The following PALS1 variants were observed in gnomAD, a reference collection of about 807,000 sequenced individuals.
PALS1 encodes protein associated with LIN7 1, MAGUK p55 family member.
A neutral mutation model predicts 78.9 loss-of-function variants in PALS1; 31 were observed. The observed-to-expected ratio is 0.39, with a 90% CI of 0.30 to 0.53. PALS1 has a LOEUF of 0.53. PALS1 is among the 20% of genes least tolerant of loss of function. PALS1 has a pLI of 0.67. For synonymous variants in PALS1, 276 were observed against 270.9 expected, an observed-to-expected ratio of 1.02 and a Z score of -0.18; for missense variants, 704 against 826.5, an observed-to-expected ratio of 0.85 and a Z score of 1.82.
At chr14:67,327,239 T>G (rs1481770899) in intron 14 of PALS1, among the ~76,000 whole-genome samples, 1 of 152,156 alleles carries the variant, frequency 6.6e-6, no homozygotes, top group African/African-American at 2.4e-5. Context: ...TAAAGTCTTT[T>G]TGTAGACCTA....
chr14:67,303,626 T>G, intron 8 of PALS1, 27 bp downstream of exon 8: 3 of 1,553,372 alleles, frequency 1.9e-6, no homozygotes, highest in Non-Finnish European at 2.7e-6. Flanking sequence ...TGTTCATTAT[T>G]TATGTGTTTG....
intron 8 of PALS1, among the ~76,000 whole-genome samples, chr14:67,306,875 A>G (rs1021001898): frequency 6.6e-6 from 1 of 152,198 alleles, no homozygotes; most frequent in African/African-American, 2.4e-5. Context: ...ATTAGAACCA[A>G]TTTATTGAGT....
chr14:67,243,839 G>A (rs937948020), intron 1 of PALS1, among the ~76,000 whole-genome samples: 1 of 152,102 alleles, frequency 6.6e-6, no homozygotes, highest in African/African-American at 2.4e-5. Context: ...TAGGATCGTT[G>A]AGTTGGAAGT....
At chr14:67,323,221 A>G (rs775189661) in intron 13 of PALS1, among the ~76,000 whole-genome samples, 2 of 111,456 alleles carry the variant, frequency 1.8e-5, no homozygotes, top group Non-Finnish European at 3.4e-5. Flanking sequence ...ACATATATAC[A>G]CATATATACA....
chr14:67,326,307 C>T (rs1458768009), intron 14 of PALS1, among the ~76,000 whole-genome samples: 1 of 114,378 alleles, frequency 8.7e-6, no homozygotes, highest in Non-Finnish European at 1.6e-5. Flanking sequence ...GTGGCATGAT[C>T]ATAGCCTTGA....
chr14:67,278,038 CTT>C (rs1227955769), intron 2 of PALS1, among the ~76,000 whole-genome samples: 22 of 138,678 alleles, frequency 1.6e-4, no homozygotes, highest in Admixed American at 1.5e-4. Flanking sequence ...AACCCCAATT[CTT>C]TTTTTTTTTT....
chr14:67,323,445 T>C (rs2085298325), intron 13 of PALS1, among the ~76,000 whole-genome samples: 1 of 151,362 alleles, frequency 6.6e-6, no homozygotes, highest in South Asian at 2.1e-4. Context: ...CGAGATCCTG[T>C]CTCTACAAAA....
chr14:67,280,849 TTCCTTCCCTCCCTCCCTCCCTCCCTCCC>T (rs1377405868), intron 3 of PALS1, among the ~76,000 whole-genome samples: 2 of 101,524 alleles, frequency 2.0e-5, no homozygotes, highest in Non-Finnish European at 3.5e-5. Flanking sequence ...CCTTCCTTCC[TTCCTTCCCTCCCTCCCTCCCTCCCTCCC>T]TCCCTTTTCT....
intron 14 of PALS1, among the ~76,000 whole-genome samples, chr14:67,324,475 C>T (rs2085318388): frequency 1.3e-5 from 2 of 152,124 alleles, no homozygotes; most frequent in Non-Finnish European, 2.9e-5. Flanking sequence ...AGAGGGCTCA[C>T]TCAGATTGCC....
At chr14:67,307,506 G>C (rs12589703) in intron 8 of PALS1, among the ~76,000 whole-genome samples, 1 of 152,180 alleles carries the variant, frequency 6.6e-6, no homozygotes, top group Non-Finnish European at 1.5e-5. Flanking sequence ...TATGTACTCT[G>C]TGCCAGGCAC....
At chr14:67,260,954 C>G (rs1269447244) in intron 1 of PALS1, among the ~76,000 whole-genome samples, 2 of 152,104 alleles carry the variant, frequency 1.3e-5, no homozygotes, top group African/African-American at 4.8e-5. Context: ...CTAAGGTGTT[C>G]TGCAGAATAG....
intron 13 of PALS1, among the ~76,000 whole-genome samples, chr14:67,323,261 G>GTGTGTGTATATATATATA (rs1429954753): frequency 4.8e-5 from 6 of 124,138 alleles, no homozygotes; most frequent in Non-Finnish European, 9.2e-5. Context: ...GTGTGTGTGT[G>GTGTGTGTATATATATATA]TATATATATA....
chr14:67,260,018 G>T (rs1256502628), intron 1 of PALS1, among the ~76,000 whole-genome samples: 1 of 152,108 alleles, frequency 6.6e-6, no homozygotes, highest in African/African-American at 2.4e-5. Flanking sequence ...TTGTCCCCAG[G>T]AGAGAGATTT....
At position 67,272,177 on chromosome 14, in the gene PALS1, A is replaced by C. The variant is rs2084419331; in HGVS notation, c.-154+2394A>C. On this transcript the variant is annotated intron_variant, in intron 2 of 14. Coordinates refer to ENST00000261681, the MANE Select transcript of PALS1 (RefSeq NM_022474.4). ...TTTTTAAATCTTTGATGATTCTCTT[A>C]TTCTATGGAATTAAGGATTTGTATT... 2 of 152,002 alleles carry C rather than the reference A, an allele frequency of 1.3e-5. 1 individual carries two copies. Among genetic ancestry groups the C allele is most frequent in the South Asian group, 4.1e-4 (2 of 4,828 alleles). The allele number at this position is 152,002 out of a possible 1,614,324, so 9.4% of individuals were successfully genotyped here.
chr14:67,290,273 T>G (rs7154820), intron 3 of PALS1, among the ~76,000 whole-genome samples: 12,106 of 152,198 alleles, frequency 0.08, 1,142 homozygotes, highest in African/African-American at 0.23. Flanking sequence ...TAAAGAAAGA[T>G]CAGGTACTTG....
chr14:67,292,716 A>G lies in PALS1; in HGVS notation c.573A>G (p.Gln191=), dbSNP rs777061678. ...PLISNAQDLA[Q]EVQTVLKPVH... Reference sequence around the variant, plus strand: ...TCTCCAACGCACAAGATCTTGCTCAAGAGGTATGTATTCTAAACATCTTGT... The same window carrying G: ...TCTCCAACGCACAAGATCTTGCTCAGGAGGTATGTATTCTAAACATCTTGT... Residue 191 remains glutamine (Q), a synonymous_variant, in exon 4 of 15, where the codon CAA becomes CAG. Coordinates refer to ENST00000261681, the MANE Select transcript of PALS1 (RefSeq NM_022474.4). The G allele has an allele frequency of 4.3e-6, 7 of 1,612,684 alleles. No homozygotes were observed. In the East Asian group the frequency reaches 1.3e-4, roughly 31 times the overall value.
intron 4 of PALS1, among the ~76,000 whole-genome samples, chr14:67,297,811 A>C (rs970756315): frequency 1.3e-5 from 2 of 152,252 alleles, no homozygotes; most frequent in African/African-American, 4.8e-5. Context: ...TTTGTCAGAC[A>C]TTCTGCCAAT....
At chr14:67,325,704 C>T (rs898248799) in intron 14 of PALS1, among the ~76,000 whole-genome samples, 1 of 152,168 alleles carries the variant, frequency 6.6e-6, no homozygotes, top group South Asian at 2.1e-4. Context: ...TTTTCCACTT[C>T]CTAACATGCA....
chr14:67,324,157 C>T (rs2085311581), intron 14 of PALS1, among the ~76,000 whole-genome samples: 1 of 152,142 alleles, frequency 6.6e-6, no homozygotes, highest in African/African-American at 2.4e-5. Context: ...TTTGAGTGCT[C>T]TTGCTTTTCT....
Sources: allele counts gnomAD v4.1 joint callset (sites outside exome capture counted in the v4.1 genomes callset), GRCh38; gene constraint gnomAD v4.1.1; transcripts MANE v1.5; gene names NCBI Gene and HGNC (gene_info 2026-07-23, HGNC 2026-07-21).